Variants in GRID1 observed in about 807,000 individuals in gnomAD.
The protein encoded by GRID1 is glutamate ionotropic receptor delta type subunit 1.
Under a neutral mutation model 98.0 loss-of-function variants are expected in GRID1, and 28 were observed. That is an observed-to-expected ratio of 0.29 (90% CI 0.21 to 0.39). The LOEUF (loss-of-function observed/expected upper bound fraction) is 0.39. GRID1 is among the 10% of genes least tolerant of loss of function. GRID1 has a pLI of 1.00. For missense variants in GRID1, 1,111 were observed against 1,340.5 expected, an observed-to-expected ratio of 0.83 and a Z score of 2.67; for synonymous variants, 553 against 538.5, an observed-to-expected ratio of 1.03 and a Z score of -0.37.
At chr10:85,825,689 G>A (rs1842813038) in intron 8 of GRID1, among the ~76,000 whole-genome samples, 1 of 152,062 alleles carries the variant, frequency 6.6e-6, no homozygotes, top group East Asian at 1.9e-4. Context: ...TTAATACAGG[G>A]GGCAAAAGAA....
intron 3 of GRID1, among the ~76,000 whole-genome samples, chr10:86,198,415 G>C (rs1845905233): frequency 6.6e-6 from 1 of 152,100 alleles, no homozygotes; most frequent in African/African-American, 2.4e-5. Context: ...CCAGGACTGG[G>C]ATTCACCAGG....
intron 13 of GRID1, among the ~76,000 whole-genome samples, chr10:85,638,371 T>A (rs1219816071): frequency 6.6e-6 from 1 of 152,190 alleles, no homozygotes; most frequent in East Asian, 1.9e-4. Context: ...CAAGTGGAAA[T>A]GTAAAGAATC....
intron 6 of GRID1, among the ~76,000 whole-genome samples, chr10:85,858,092 T>TC (rs1843130334): frequency 6.6e-6 from 1 of 152,192 alleles, no homozygotes; most frequent in African/African-American, 2.4e-5. Flanking sequence ...GCTGACTGCC[T>TC]CCCCTGTAGG....
chr10:85,956,488 A>C (rs1197620639), intron 4 of GRID1, among the ~76,000 whole-genome samples: 1 of 152,228 alleles, frequency 6.6e-6, no homozygotes, highest in African/African-American at 2.4e-5. Context: ...AAAAAGTTTA[A>C]AATAGATGCT....
intron 4 of GRID1, among the ~76,000 whole-genome samples, chr10:86,043,415 G>A (rs984179403): frequency 1.1e-4 from 17 of 152,222 alleles, no homozygotes; most frequent in Admixed American, 1.0e-3. Flanking sequence ...TGCACCTGGA[G>A]GAAGCCAGGG....
At chr10:86,128,650 TC>T (rs1844790335) in intron 4 of GRID1, among the ~76,000 whole-genome samples, 1 of 152,124 alleles carries the variant, frequency 6.6e-6, no homozygotes, top group Non-Finnish European at 1.5e-5. Flanking sequence ...GCCACTTCTC[TC>T]CTAGGTCCAC....
chr10:86,308,855 A>G (rs116260881), intron 2 of GRID1, among the ~76,000 whole-genome samples: 1 of 152,088 alleles, frequency 6.6e-6, no homozygotes, highest in Non-Finnish European at 1.5e-5. Flanking sequence ...ACTCACTCTC[A>G]ATAATGAACC....
At chr10:85,901,829 T>C (rs1270878654) in intron 5 of GRID1, among the ~76,000 whole-genome samples, 2 of 152,188 alleles carry the variant, frequency 1.3e-5, no homozygotes, top group Admixed American at 6.5e-5. Flanking sequence ...ACAGGGCTTT[T>C]CAAAGGGCTA....
chr10:85,642,972 A>G (rs1226101056), intron 13 of GRID1, among the ~76,000 whole-genome samples: 1 of 152,144 alleles, frequency 6.6e-6, no homozygotes, highest in Admixed American at 6.5e-5. Flanking sequence ...GAGGCGAGCC[A>G]ACCATGACAT....
intron 2 of GRID1, among the ~76,000 whole-genome samples, chr10:86,270,806 A>C (rs1025597388): frequency 1.1e-4 from 16 of 152,212 alleles, no homozygotes; most frequent in African/African-American, 3.6e-4. Flanking sequence ...TAAAAAAATG[A>C]GCAAAATATA....
chr10:86,111,985 T>A (rs1023488518), intron 4 of GRID1, among the ~76,000 whole-genome samples: 1 of 152,236 alleles, frequency 6.6e-6, no homozygotes, highest in African/African-American at 2.4e-5. Context: ...TGGGCCACCA[T>A]GAGGCTACAG....
At chr10:85,669,858 A>G (rs1165359163) in intron 12 of GRID1, among the ~76,000 whole-genome samples, 3 of 152,224 alleles carry the variant, frequency 2.0e-5, no homozygotes, top group Non-Finnish European at 1.5e-5. Context: ...AAGTATCAGC[A>G]ATCAGTGAAT....
At chr10:85,956,230 G>T (rs1237735329) in intron 4 of GRID1, among the ~76,000 whole-genome samples, 2 of 152,124 alleles carry the variant, frequency 1.3e-5, no homozygotes, top group Non-Finnish European at 2.9e-5. Flanking sequence ...CAAACGGTTT[G>T]CACCTGCTGT....
chr10:85,687,820 AAAAC>A (rs1005633949), intron 12 of GRID1, among the ~76,000 whole-genome samples: 144 of 152,334 alleles, frequency 9.5e-4, no homozygotes, highest in Non-Finnish European at 1.4e-3. Flanking sequence ...GAAATTTCAA[AAAAC>A]AAACAAACAA....
intron 5 of GRID1, among the ~76,000 whole-genome samples, chr10:85,879,522 C>G: frequency 6.6e-6 from 1 of 152,172 alleles, no homozygotes; most frequent in Non-Finnish European, 1.5e-5. Flanking sequence ...TGAATGACTA[C>G]TGGGGACATA....
At chr10:86,125,242 C>T (rs1844735236) in intron 4 of GRID1, among the ~76,000 whole-genome samples, 1 of 152,256 alleles carries the variant, frequency 6.6e-6, no homozygotes, top group Non-Finnish European at 1.5e-5. Context: ...GAAGCTACTT[C>T]TCATGCTAAC....
chr10:86,320,107 T>C (rs1847949214), intron 2 of GRID1, among the ~76,000 whole-genome samples: 1 of 152,226 alleles, frequency 6.6e-6, no homozygotes, highest in South Asian at 2.1e-4. Context: ...GAAAACTCAA[T>C]TTATAGATTA....
chr10:85,666,679 G>A (rs950417779), intron 12 of GRID1, among the ~76,000 whole-genome samples: 1 of 152,306 alleles, frequency 6.6e-6, no homozygotes, highest in Middle Eastern at 3.4e-3. Flanking sequence ...GGTTACTACA[G>A]GGGACGTGAC....
intron 8 of GRID1, among the ~76,000 whole-genome samples, chr10:85,730,798 T>A (rs564821616): frequency 6.6e-6 from 1 of 152,278 alleles, no homozygotes; most frequent in South Asian, 2.1e-4. Flanking sequence ...AGGGATTTTG[T>A]ATGCACTTTC....
Sources: allele counts gnomAD v4.1 joint callset (sites outside exome capture counted in the v4.1 genomes callset), GRCh38; gene constraint gnomAD v4.1.1; transcripts MANE v1.5; gene names NCBI Gene and HGNC (gene_info 2026-07-23, HGNC 2026-07-21).